Variants in SAMD5 observed in about 807,000 individuals in gnomAD.
SAMD5 encodes sterile alpha motif domain-containing protein 5.
A neutral mutation model predicts 11.3 loss-of-function variants in SAMD5; 13 were observed. That is an observed-to-expected ratio of 1.15 (90% CI 0.75 to 1.83). The LOEUF is 1.83. SAMD5 is among the 40% of genes most tolerant of loss of function. SAMD5 has a pLI of 0.00. For synonymous variants in SAMD5, 129 were observed against 111.3 expected (o/e 1.16, Z -1.00); for missense variants, 255 against 239.1 (o/e 1.07, Z -0.44).
At chr6:147,838,890 C>A in the SAMD5 span, among the ~76,000 whole-genome samples, 3 of 152,156 alleles carry the variant, frequency 2.0e-5, no homozygotes, top group Admixed American at 6.5e-5. Context: ...CTACAGGAGG[C>A]CTGAAGCATG....
At chr6:147,596,576 A>G (rs1484899824) in intron 1 of SAMD5, among the ~76,000 whole-genome samples, 1 of 152,208 alleles carries the variant, frequency 6.6e-6, no homozygotes, top group Admixed American at 6.6e-5. Flanking sequence ...TAATAATTCA[A>G]TTTGAATAAT....
chr6:147,926,156 A>G, the SAMD5 span, among the ~76,000 whole-genome samples: 1 of 152,200 alleles, frequency 6.6e-6, no homozygotes, highest in Non-Finnish European at 1.5e-5. Context: ...ATTCATGTGC[A>G]TGTATCTTTA....
At chr6:147,689,998 A>G (rs1003402933) in intron 1 of SAMD5, among the ~76,000 whole-genome samples, 1 of 152,230 alleles carries the variant, frequency 6.6e-6, no homozygotes, top group Non-Finnish European at 1.5e-5. Flanking sequence ...GGATCTGCAC[A>G]GTGGGGCCTA....
chr6:147,847,591 G>A, the SAMD5 span, among the ~76,000 whole-genome samples: 7 of 152,118 alleles, frequency 4.6e-5, no homozygotes, highest in South Asian at 4.1e-4. Flanking sequence ...GTTGCCTCAC[G>A]CCTGTAATCC....
At chr6:147,833,805 G>A in the SAMD5 span, among the ~76,000 whole-genome samples, 1 of 152,160 alleles carries the variant, frequency 6.6e-6, no homozygotes, top group Non-Finnish European at 1.5e-5. Context: ...ATTTTCTGCT[G>A]AGCACTGTGA....
chr6:147,903,408 G>A, the SAMD5 span, among the ~76,000 whole-genome samples: 1 of 152,020 alleles, frequency 6.6e-6, no homozygotes, highest in Non-Finnish European at 1.5e-5. Context: ...GTAACACTAG[G>A]ACTAAGGAAA....
the SAMD5 span, among the ~76,000 whole-genome samples, chr6:147,914,852 G>A: frequency 2.0e-5 from 3 of 152,162 alleles, no homozygotes; most frequent in Non-Finnish European, 4.4e-5. Context: ...TATTCAGGAT[G>A]AGAATGATAA....
At chr6:147,545,481 G>T (rs1223414195) in intron 1 of SAMD5, among the ~76,000 whole-genome samples, 1 of 152,014 alleles carries the variant, frequency 6.6e-6, no homozygotes, top group African/African-American at 2.4e-5. Flanking sequence ...GCAAGTTCTT[G>T]CAATAACTTG....
chr6:147,562,517 T>C (rs1299715020), intron 1 of SAMD5, among the ~76,000 whole-genome samples: 4 of 152,220 alleles, frequency 2.6e-5, no homozygotes, highest in Non-Finnish European at 4.4e-5. Context: ...ATTCATTTAT[T>C]AGAGCATTAA....
the SAMD5 span, among the ~76,000 whole-genome samples, chr6:147,749,437 G>A: frequency 4.6e-5 from 7 of 152,184 alleles, no homozygotes; most frequent in Non-Finnish European, 8.8e-5. Context: ...CAGAGTGCTG[G>A]GATTACAGGT....
chr6:147,830,449 GT>G, the SAMD5 span, among the ~76,000 whole-genome samples: 5 of 151,692 alleles, frequency 3.3e-5, no homozygotes, highest in East Asian at 3.9e-4. Context: ...TGGAGACGGG[GT>G]TTCACCACGT....
chr6:147,703,960 A>G (rs1791291530), intron 1 of SAMD5, among the ~76,000 whole-genome samples: 2 of 152,170 alleles, frequency 1.3e-5, no homozygotes, highest in African/African-American at 4.8e-5. Flanking sequence ...CAGTGGCACA[A>G]TCTTGGCTCA....
chr6:147,657,452 T>C (rs575144603), intron 1 of SAMD5, among the ~76,000 whole-genome samples: 21 of 151,964 alleles, frequency 1.4e-4, no homozygotes, highest in South Asian at 6.3e-4. Flanking sequence ...AGGACAAACA[T>C]GAGAGAGAGC....
At chr6:147,856,789 A>T in the SAMD5 span, among the ~76,000 whole-genome samples, 1 of 133,230 alleles carries the variant, frequency 7.5e-6, no homozygotes, top group South Asian at 2.7e-4. Context: ...AAATCCACCC[A>T]CGTGGCTTAA....
the SAMD5 span, among the ~76,000 whole-genome samples, chr6:147,811,211 T>A: frequency 6.6e-6 from 1 of 152,284 alleles, no homozygotes; most frequent in Admixed American, 6.5e-5. Flanking sequence ...AGAGAGTTCA[T>A]GGAGGTATTA....
the SAMD5 span, among the ~76,000 whole-genome samples, chr6:147,797,332 G>A: frequency 7.1e-6 from 1 of 141,518 alleles, no homozygotes; most frequent in Admixed American, 7.1e-5. Context: ...TAATCATGTG[G>A]TTTTTGTCTT....
intron 1 of SAMD5, among the ~76,000 whole-genome samples, chr6:147,554,714 G>A (rs1788826894): frequency 6.6e-6 from 1 of 152,194 alleles, no homozygotes; most frequent in Non-Finnish European, 1.5e-5. Context: ...ATGAGAGCCA[G>A]AAGGGTGAAT....
At chr6:147,817,787 A>G in the SAMD5 span, among the ~76,000 whole-genome samples, 1 of 152,062 alleles carries the variant, frequency 6.6e-6, no homozygotes, top group Non-Finnish European at 1.5e-5. Context: ...TTATCATTCA[A>G]TTTTCACATA....
At chr6:147,802,666 A>C in the SAMD5 span, among the ~76,000 whole-genome samples, 1 of 151,534 alleles carries the variant, frequency 6.6e-6, no homozygotes, top group South Asian at 2.1e-4. Flanking sequence ...TGTTCATCAG[A>C]GAATGTATAA....
Sources: gnomAD v4.1 joint callset for allele counts (sites outside exome capture counted in the v4.1 genomes callset) on GRCh38, gnomAD v4.1.1 for gene constraint, MANE v1.5 for transcripts, NCBI Gene and HGNC (gene_info 2026-07-23, HGNC 2026-07-21) for gene names.